The following TPCN1 variants were observed in gnomAD, a reference collection of about 807,000 sequenced individuals.
TPCN1 encodes two pore segment channel 1.
A neutral mutation model predicts 108.8 loss-of-function variants in TPCN1; 52 were observed. That is an observed-to-expected ratio of 0.48 (90% CI 0.38 to 0.60). TPCN1 has a LOEUF of 0.60. TPCN1 is among the 20% of genes least tolerant of loss of function. The pLI is 0.00. For missense variants in TPCN1, 806 were observed against 1,072.8 expected (o/e 0.75, Z 3.47); for synonymous variants, 446 against 433.7 (o/e 1.03, Z -0.35).
chr12:113,272,577 G>A lies in TPCN1; in HGVS notation c.749-81G>A. The A allele has an allele frequency of 2.3e-6, 3 of 1,288,338 alleles. No homozygotes were observed. In the Admixed American group the frequency reaches 5.0e-5, roughly 22 times the overall value. 79.8% of individuals were successfully genotyped at this position (1,288,338 alleles called of 1,614,324 possible). A position where few individuals can be genotyped will look rare whatever the true frequency, so the allele number is the denominator to read the frequency against. Reference sequence around the variant, plus strand: ...CCTGACCTGCTGCGTTCATTTGCATGTATTTGTCCAGTCCTTTTGACACCA... The same window carrying A: ...CCTGACCTGCTGCGTTCATTTGCATATATTTGTCCAGTCCTTTTGACACCA... On this transcript the variant is annotated intron_variant, in intron 7 of 27. Coordinates refer to ENST00000335509, the MANE Select transcript of TPCN1 (RefSeq NM_017901.6). The surrounding 1 kb of genome is among the most constrained non-coding windows in gnomAD (Gnocchi z 4.1).
chr12:113,239,681 C>T (rs1954030192), intron 2 of TPCN1, among the ~76,000 whole-genome samples: 1 of 152,126 alleles, frequency 6.6e-6, no homozygotes, highest in Non-Finnish European at 1.5e-5. Context: ...CGTTGCTGCC[C>T]CTAGGAACAG....
intron 14 of TPCN1, 114 bp downstream of exon 14, chr12:113,278,949 TG>T: frequency 1.1e-6 from 1 of 917,320 alleles, no homozygotes; most frequent in Non-Finnish European, 1.8e-6. Context: ...TGTGTGTGTT[TG>T]TCTGAATGCC....
At chr12:113,259,224 A>G (rs1220633815) in intron 2 of TPCN1, among the ~76,000 whole-genome samples, 1 of 152,118 alleles carries the variant, frequency 6.6e-6, no homozygotes, top group Non-Finnish European at 1.5e-5. Context: ...TGATCCGTCC[A>G]CCTTGGCCTC....
At chr12:113,279,391 A>ATATAT (rs1434381451) in intron 14 of TPCN1, among the ~76,000 whole-genome samples, 2 of 10,484 alleles carry the variant, frequency 1.9e-4, no homozygotes, top group Non-Finnish European at 2.8e-4. Context: ...ATATATATAT[A>ATATAT]TTTTTTTTTT....
In TPCN1 at chr12:113,239,274, C is replaced by T. The variant is rs77678506; in HGVS notation, c.112+12310C>T. Among the ~76,000 whole-genome samples the T allele has an allele frequency of 0.012, 1,778 of 152,316 alleles. 68 individuals are homozygous for T. The East Asian group carries it at 0.15, about 13-fold the overall frequency. On this transcript the variant is annotated intron_variant, in intron 2 of 27. Coordinates refer to ENST00000335509, the MANE Select transcript of TPCN1 (RefSeq NM_017901.6). Reference sequence around the variant, plus strand: ...AGGGTTTTGTGAATCCTGCTCCCCCCAGCTAGGGCTTACCTGGTTTGTGAG... The same window carrying T: ...AGGGTTTTGTGAATCCTGCTCCCCCTAGCTAGGGCTTACCTGGTTTGTGAG...
chr12:113,243,991 A>G (rs1225887348), intron 2 of TPCN1, among the ~76,000 whole-genome samples: 3 of 151,780 alleles, frequency 2.0e-5, no homozygotes, highest in Admixed American at 6.6e-5. Context: ...TCTGATCTGC[A>G]CCCCTCCTGC....
At position 113,266,673 on chromosome 12, in the gene TPCN1, C is replaced by T. The variant is rs573023247; in HGVS notation, c.414+317C>T. Among the ~76,000 whole-genome samples, 14 of 152,350 alleles carry T rather than the reference C, an allele frequency of 9.2e-5. No homozygotes were observed. Among genetic ancestry groups the T allele is most frequent in the Admixed American group, 2.0e-4 (3 of 15,306 alleles). ...GGGCACCCAGTGGACAGTCCCACTA[C>T]TCTGTCTCCAGCCTCAAAGGAGAAG... On this transcript the variant is annotated intron_variant, in intron 4 of 27. Coordinates refer to ENST00000335509, the MANE Select transcript of TPCN1 (RefSeq NM_017901.6). The surrounding 1 kb of genome is among the most constrained non-coding windows in gnomAD (Gnocchi z 4.2).
chr12:113,233,692 T>C (rs1953779247), intron 2 of TPCN1, among the ~76,000 whole-genome samples: 1 of 152,228 alleles, frequency 6.6e-6, no homozygotes, highest in East Asian at 1.9e-4. Context: ...TCATGGCCTG[T>C]GGGTGTTGAG....
At chr12:113,291,993 T>G (rs779060787) in intron 25 of TPCN1, 35 bp downstream of exon 25, 2 of 1,577,764 alleles carry the variant, frequency 1.3e-6, no homozygotes, top group South Asian at 2.2e-5. Context: ...GCATTTGATA[T>G]CTGCCGCCTA....
At chr12:113,239,900 C>G (rs563324095) in intron 2 of TPCN1, among the ~76,000 whole-genome samples, 1 of 152,108 alleles carries the variant, frequency 6.6e-6, no homozygotes, top group East Asian at 1.9e-4. Context: ...TGCTGAAAAC[C>G]AGCTTGGGCA....
rs1046152439 is a variant in TPCN1, at chr12:113,296,291, C to T, written c.*215C>T. On this transcript the variant is annotated 3_prime_UTR_variant, in exon 28 of 28. Transcript: ENST00000335509. ...AGTTTGGTGAGGGGTGGGGGTGCGG[C>T]CACCAGGTCTGAGCTCTTCCTACTG... The T allele has an allele frequency of 1.5e-6, 1 of 657,772 alleles. No homozygotes were observed. Among genetic ancestry groups the T allele is most frequent in the East Asian group, 2.8e-5 (1 of 35,412 alleles). 40.7% of individuals were successfully genotyped at this position (657,772 alleles called of 1,614,324 possible).
At chr12:113,249,622 C>G (rs1249279612) in intron 2 of TPCN1, 1 of 152,298 alleles carries the variant, frequency 6.6e-6, no homozygotes, top group Non-Finnish European at 1.5e-5. Context: ...GAGAGCTACG[C>G]AGCAGCGCTT....
Position 113,285,931 on chromosome 12 carries a change from C to T in TPCN1, c.1496C>T (p.Pro499Leu). The change falls in exon 18 of 28, where the codon CCT becomes CTT. Residue 499 changes from proline to leucine, a missense_variant. Pro to Leu is a moderately conservative substitution (Grantham distance 98, BLOSUM62 -3). Transcript: ENST00000335509. ...TTCCTGAAGGTTGCCGGCCTGGGCCCTGTGGAGTACTTGTCTTCCGGATGG... is the reference window on the plus strand; with the variant it reads ...TTCCTGAAGGTTGCCGGCCTGGGCCTTGTGGAGTACTTGTCTTCCGGATGG... The part of the protein sequence containing the change: ...ELFLKVAGLG[P>L]VEYLSSGWNL... 1 of 1,614,232 alleles carries T rather than the reference C, an allele frequency of 6.2e-7. No homozygotes were observed. The highest frequency in any genetic ancestry group is 1.1e-5 in the South Asian group (1 of 91,086).
intron 3 of TPCN1, among the ~76,000 whole-genome samples, chr12:113,261,055 G>A (rs1353094430): frequency 3.9e-5 from 6 of 152,110 alleles, no homozygotes; most frequent in African/African-American, 1.2e-4. Context: ...TTAGCTGGGC[G>A]TTGGTGGGCG....
chr12:113,291,570 A>AT, intron 23 of TPCN1, 39 bp from the exon 24 acceptor site: 1 of 1,590,604 alleles, frequency 6.3e-7, no homozygotes, highest in Non-Finnish European at 8.6e-7. Context: ...CCTGCCCTGC[A>AT]TGGGCACCCC....
intron 27 of TPCN1, 126 bp downstream of exon 27, chr12:113,293,475 G>C: frequency 5.4e-6 from 5 of 923,394 alleles, no homozygotes; most frequent in Non-Finnish European, 8.7e-6. Flanking sequence ...CCGTCCATCG[G>C]GACCACTGCT....
At chr12:113,286,924 A>T in intron 18 of TPCN1, 63 bp from the exon 19 acceptor site, 1 of 1,203,130 alleles carries the variant, frequency 8.3e-7, no homozygotes, top group Non-Finnish European at 1.2e-6. Context: ...AGGGCCAGGG[A>T]GGGGAGCAGG....
chr12:113,261,212 G>C (rs906451604), intron 3 of TPCN1, among the ~76,000 whole-genome samples: 1 of 151,912 alleles, frequency 6.6e-6, no homozygotes, highest in Non-Finnish European at 1.5e-5. Flanking sequence ...TTGTATTTTT[G>C]TGTGAAAGTA....
At chr12:113,235,507 TAAAAAAA>T (rs35994827) in intron 2 of TPCN1, among the ~76,000 whole-genome samples, 9 of 143,276 alleles carry the variant, frequency 6.3e-5, no homozygotes, top group South Asian at 2.2e-4. Flanking sequence ...AGTAGTGGTT[TAAAAAAA>T]AAAAAAAGAA....
Sources: gnomAD v4.1 joint callset for allele counts (sites outside exome capture counted in the v4.1 genomes callset) on GRCh38, gnomAD v4.1.1 for gene constraint, Gnocchi (gnomAD v3.1) non-coding constraint, MANE v1.5 for transcripts, NCBI Gene and HGNC (gene_info 2026-07-23, HGNC 2026-07-21) for gene names.